The following ZMYM4 variants were observed in gnomAD, a reference collection of about 807,000 sequenced individuals.
The protein encoded by ZMYM4 is zinc finger MYM-type containing 4, also known as zinc finger MYM-type protein 4.
In ZMYM4, 31 loss-of-function variants were observed where a neutral mutation model predicts 183.2. That is an observed-to-expected ratio of 0.17 (90% CI 0.13 to 0.23). The LOEUF is 0.23. Among genes scored for constraint, ZMYM4 ranks in the 10% least tolerant of loss-of-function variants. The pLI, the probability that ZMYM4 is intolerant of heterozygous loss-of-function variation, is 1.00. For missense variants in ZMYM4, 1,273 were observed against 1,840.3 expected (o/e 0.69, Z 5.64); for synonymous variants, 592 against 631.2 (o/e 0.94, Z 0.93).
At chr1:35,352,787 C>CTA (rs1643677724) in intron 2 of ZMYM4, among the ~76,000 whole-genome samples, 1 of 152,150 alleles carries the variant, frequency 6.6e-6, no homozygotes, top group South Asian at 2.1e-4. Context: ...GACCAGATTT[C>CTA]TAAATACTGA....
chr1:35,376,800 A>T (rs1412998356), intron 7 of ZMYM4, among the ~76,000 whole-genome samples: 1 of 152,096 alleles, frequency 6.6e-6, no homozygotes, highest in Non-Finnish European at 1.5e-5. Context: ...TGCTGGGATT[A>T]CAGGCGTGAG....
intron 9 of ZMYM4, among the ~76,000 whole-genome samples, chr1:35,382,647 A>C (rs1314837143): frequency 6.6e-6 from 1 of 151,908 alleles, no homozygotes; most frequent in Non-Finnish European, 1.5e-5. Context: ...ATTTCACTAT[A>C]CTGGCCAGGC....
In ZMYM4 at chr1:35,397,549, G is replaced by T. The variant is rs1359882903; in HGVS notation, c.3199+4G>T. The T allele has an allele frequency of 1.3e-6, 2 of 1,583,562 alleles. No individual in the cohort carries two copies. Among genetic ancestry groups the T allele is most frequent in the Admixed American group, 3.9e-5 (2 of 51,298 alleles). ...AAGAAGACTCTATCTCAGGGAGGTT[G>T]GTATACTCTTTAAAAGTAAAGAAAG... On this transcript the variant is annotated splice_donor_region_variant and intron_variant, in intron 20 of 29. Coordinates refer to ENST00000314607, the MANE Select transcript of ZMYM4 (RefSeq NM_005095.3).
rs748200856 is a variant in ZMYM4, at chr1:35,413,951, TTTC to T, written c.3949-18_3949-16del. The T allele has an allele frequency of 1.5e-6, 2 of 1,319,616 alleles. No homozygotes were observed. The highest frequency in any genetic ancestry group is 2.1e-6 in the Non-Finnish European group (2 of 947,186). The allele number at this position is 1,319,616 out of a possible 1,614,324, so 81.7% of individuals were successfully genotyped here. On this transcript the variant is annotated intron_variant, in intron 26 of 29. Transcript: ENST00000314607. Reference sequence around the variant, plus strand: ...GTTTTCTTTTTATCAACATGTATATTTTCTTTTTTTTTTCTTGTAGTACCTGTT... The same window carrying T: ...GTTTTCTTTTTATCAACATGTATATTTTTTTTTTTTCTTGTAGTACCTGTT...
chr1:35,310,642 A>G lies in ZMYM4; in HGVS notation c.40-14718A>G, dbSNP rs556613309. Among the ~76,000 whole-genome samples, 4 of 152,050 alleles carry G rather than the reference A, an allele frequency of 2.6e-5. No individual in the cohort carries two copies. In the East Asian group the frequency reaches 7.7e-4, roughly 29 times the overall value. ...TGCCCAGGCTGGAGTGCAATGTCAC[A>G]ATCTCAGCTCACTGCAACCTCTACC... On this transcript the variant is annotated intron_variant, in intron 1 of 29. Transcript: ENST00000314607.
intron 1 of ZMYM4, among the ~76,000 whole-genome samples, chr1:35,324,304 G>A (rs183733538): frequency 5.8e-4 from 88 of 151,660 alleles, no homozygotes; most frequent in Admixed American, 5.6e-3. Flanking sequence ...TCACCATGTT[G>A]GCCAGGATGG....
chr1:35,271,360 GA>G (rs200166984), intron 1 of ZMYM4, among the ~76,000 whole-genome samples: 16,524 of 142,618 alleles, frequency 0.12, 1,267 homozygotes, highest in African/African-American at 0.23. Flanking sequence ...AGGAATGCTG[GA>G]AAAAAAAAAA....
chr1:35,285,073 G>C (rs1187403204), intron 1 of ZMYM4, among the ~76,000 whole-genome samples: 1 of 151,784 alleles, frequency 6.6e-6, no homozygotes, highest in African/African-American at 2.4e-5. Context: ...ACACTGTTTT[G>C]ATTACTGTAG....
At chr1:35,297,501 T>C (rs1038832040) in intron 1 of ZMYM4, among the ~76,000 whole-genome samples, 6 of 151,840 alleles carry the variant, frequency 4.0e-5, no homozygotes, top group African/African-American at 1.5e-4. Context: ...AATGTATATA[T>C]ATTTTTAAGG....
intron 5 of ZMYM4, among the ~76,000 whole-genome samples, chr1:35,368,171 T>G (rs1644134814): frequency 6.6e-6 from 1 of 151,830 alleles, no homozygotes; most frequent in Non-Finnish European, 1.5e-5. Flanking sequence ...GTGCTTTTGC[T>G]CCACCAGAGC....
At chr1:35,364,290 A>G (rs1644015463) in intron 5 of ZMYM4, among the ~76,000 whole-genome samples, 1 of 152,158 alleles carries the variant, frequency 6.6e-6, no homozygotes, top group South Asian at 2.1e-4. Context: ...CTGACCCCAC[A>G]ATAAGGGACT....
At chr1:35,401,871 C>G (rs1302330613) in intron 23 of ZMYM4, among the ~76,000 whole-genome samples, 1 of 152,082 alleles carries the variant, frequency 6.6e-6, no homozygotes. Flanking sequence ...TATTCATTCC[C>G]CATTGAATTA....
chr1:35,360,919 CAA>C (rs1643921531), intron 3 of ZMYM4, among the ~76,000 whole-genome samples: 1 of 148,536 alleles, frequency 6.7e-6, no homozygotes, highest in African/African-American at 2.5e-5. Flanking sequence ...AGAACAAATG[CAA>C]GCAATTTTCA....
chr1:35,415,107 C>G (rs1243818328), intron 27 of ZMYM4, among the ~76,000 whole-genome samples: 27 of 152,108 alleles, frequency 1.8e-4, no homozygotes, highest in Non-Finnish European at 2.9e-5. Context: ...ATAGCTCTGC[C>G]TGTTTATGTG....
intron 2 of ZMYM4, among the ~76,000 whole-genome samples, chr1:35,347,735 A>G (rs989669116): frequency 1.3e-5 from 2 of 152,210 alleles, no homozygotes; most frequent in Non-Finnish European, 2.9e-5. Context: ...TTATGGGCCT[A>G]AAGATTGGGG....
In ZMYM4 at chr1:35,268,711, T is replaced by G. The variant is rs888290307; in HGVS notation, c.-336T>G. ...ATCAGGGGCGCGCGCAAGGGGCTGA[T>G]TTGGTGATCCCTTTAAGAAACCGCA... On this transcript the variant is annotated 5_prime_UTR_variant, in exon 1 of 30. Coordinates refer to ENST00000314607, the MANE Select transcript of ZMYM4 (RefSeq NM_005095.3). Among the ~76,000 whole-genome samples the G allele has an allele frequency of 6.6e-6, 1 of 152,182 alleles. No homozygotes were observed. Among genetic ancestry groups the G allele is most frequent in the Admixed American group, 6.5e-5 (1 of 15,290 alleles).
At chr1:35,296,781 A>G (rs1641033566) in intron 1 of ZMYM4, among the ~76,000 whole-genome samples, 1 of 151,268 alleles carries the variant, frequency 6.6e-6, no homozygotes, top group African/African-American at 2.4e-5. Flanking sequence ...TCCCATTTGA[A>G]GTTTCAAGGT....
intron 1 of ZMYM4, among the ~76,000 whole-genome samples, chr1:35,309,228 G>T (rs1641684050): frequency 6.6e-6 from 1 of 152,156 alleles, no homozygotes; most frequent in Non-Finnish European, 1.5e-5. Flanking sequence ...TTATGAAAAT[G>T]AGTTATTTAA....
chr1:35,383,567 C>T (rs1371328386), intron 9 of ZMYM4, among the ~76,000 whole-genome samples: 1 of 151,950 alleles, frequency 6.6e-6, no homozygotes, highest in Non-Finnish European at 1.5e-5. Context: ...AAAAAAAAAT[C>T]CCCACATCTT....
Sources: gnomAD v4.1 joint callset for allele counts (sites outside exome capture counted in the v4.1 genomes callset) on GRCh38, gnomAD v4.1.1 for gene constraint, MANE v1.5 for transcripts, NCBI Gene and HGNC (gene_info 2026-07-23, HGNC 2026-07-21) for gene names.